PVT1: variants seen among roughly 807,000 people sequenced by gnomAD.
The protein encoded by PVT1 is Pvt1 oncogene.
intron 4 of PVT1, among the ~76,000 whole-genome samples, chr8:128,035,158 G>A (rs944298209): frequency 2.6e-5 from 4 of 152,158 alleles, no homozygotes; most frequent in Admixed American, 1.3e-4. Flanking sequence ...CTTCACCAGG[G>A]CACAGCAGTA....
intron 4 of PVT1, among the ~76,000 whole-genome samples, chr8:128,049,889 G>T (rs561609871): frequency 1.3e-5 from 2 of 152,216 alleles, no homozygotes; most frequent in African/African-American, 4.8e-5. Flanking sequence ...TGATCTCTTT[G>T]CCTCTCATTT....
chr8:127,999,661 C>A (rs1429078470), intron 4 of PVT1, among the ~76,000 whole-genome samples: 1 of 152,170 alleles, frequency 6.6e-6, no homozygotes, highest in African/African-American at 2.4e-5. Context: ...GGGGTTTCAC[C>A]ATGTTGGCCA....
At chr8:127,910,359 T>C (rs1156558298) in intron 3 of PVT1, among the ~76,000 whole-genome samples, 1 of 152,236 alleles carries the variant, frequency 6.6e-6, no homozygotes, top group Non-Finnish European at 1.5e-5. Flanking sequence ...TCTGACTCTA[T>C]TGCCTTGGCT....
chr8:127,950,338 C>A (rs1389761791), intron 3 of PVT1, among the ~76,000 whole-genome samples: 2 of 152,208 alleles, frequency 1.3e-5, no homozygotes, highest in East Asian at 3.8e-4. Flanking sequence ...CTGGGTGTTT[C>A]TGGGTGTCCC....
chr8:127,878,205 TG>T (rs2129781512), intron 2 of PVT1, among the ~76,000 whole-genome samples: 1 of 152,260 alleles, frequency 6.6e-6, no homozygotes, highest in South Asian at 2.1e-4. Flanking sequence ...CCACAAATTT[TG>T]AAGGTCTGTC....
intron 3 of PVT1, among the ~76,000 whole-genome samples, chr8:127,951,371 C>T (rs961998196): frequency 6.6e-5 from 10 of 152,212 alleles, no homozygotes; most frequent in African/African-American, 2.4e-4. Flanking sequence ...TACCCGTGCA[C>T]TAGCAGAGAG....
chr8:127,938,183 C>G (rs541067876), intron 3 of PVT1, among the ~76,000 whole-genome samples: 1 of 152,204 alleles, frequency 6.6e-6, no homozygotes, highest in Admixed American at 6.5e-5. Flanking sequence ...ATTCCAGAAA[C>G]AGCGCCAGCC....
chr8:128,029,581 C>T (rs1351362765), intron 4 of PVT1, among the ~76,000 whole-genome samples: 4 of 152,112 alleles, frequency 2.6e-5, no homozygotes, highest in Admixed American at 6.5e-5. Flanking sequence ...GCAGGTGGAT[C>T]ATGAGGTTAG....
At chr8:128,031,718 A>G (rs984858185) in intron 4 of PVT1, among the ~76,000 whole-genome samples, 4 of 150,472 alleles carry the variant, frequency 2.7e-5, no homozygotes, top group South Asian at 4.1e-4. Context: ...ACTGATTTTT[A>G]TATTAATTCA....
chr8:127,923,415 G>A (rs190362476), intron 3 of PVT1, among the ~76,000 whole-genome samples: 1 of 152,354 alleles, frequency 6.6e-6, no homozygotes, highest in East Asian at 1.9e-4. Context: ...TTGATGAAGC[G>A]TTCAGGTTGG....
intron 3 of PVT1, among the ~76,000 whole-genome samples, chr8:127,897,144 C>G (rs1815689261): frequency 6.6e-6 from 1 of 152,212 alleles, no homozygotes; most frequent in Admixed American, 6.5e-5. Context: ...TCCACTCTTT[C>G]CCCAACCCCG....
chr8:128,010,877 C>T (rs1437739067), intron 4 of PVT1, among the ~76,000 whole-genome samples: 1 of 152,144 alleles, frequency 6.6e-6, no homozygotes, highest in Non-Finnish European at 1.5e-5. Flanking sequence ...ATTTGCCTGC[C>T]GTGTTTATTG....
chr8:127,937,574 C>CAGAGAG (rs1403061270), intron 3 of PVT1, among the ~76,000 whole-genome samples: 124 of 96,250 alleles, frequency 1.3e-3, no homozygotes, highest in African/African-American at 3.2e-3. Flanking sequence ...CACACACACA[C>CAGAGAG]ACACACAGAG....
chr8:127,836,165 A>G (rs894444303), intron 2 of PVT1, among the ~76,000 whole-genome samples: 4 of 152,158 alleles, frequency 2.6e-5, no homozygotes, highest in Non-Finnish European at 5.9e-5. Context: ...TCTGTAAAAA[A>G]AATTTATTAA....
chr8:127,806,456 T>TAGCTGGGA (rs1814530535), intron 2 of PVT1, among the ~76,000 whole-genome samples: 1 of 151,802 alleles, frequency 6.6e-6, no homozygotes, highest in African/African-American at 2.4e-5. Flanking sequence ...AACGACTCCG[T>TAGCTGGGA]CTAAAAAATT....
intron 3 of PVT1, among the ~76,000 whole-genome samples, chr8:127,925,900 C>A (rs1311850584): frequency 6.6e-6 from 1 of 152,200 alleles, no homozygotes; most frequent in East Asian, 1.9e-4. Flanking sequence ...CTCGGGCTCC[C>A]AAAGTGCTGG....
chr8:127,828,736 C>T (rs950561265), intron 2 of PVT1, among the ~76,000 whole-genome samples: 1 of 151,920 alleles, frequency 6.6e-6, no homozygotes, highest in Non-Finnish European at 1.5e-5. Context: ...GCAGGTCCGC[C>T]CCCCCAGACT....
intron 3 of PVT1, among the ~76,000 whole-genome samples, chr8:127,953,232 G>C (rs546599958): frequency 1.3e-5 from 2 of 152,122 alleles, no homozygotes; most frequent in African/African-American, 2.4e-5. Context: ...CTTTTGAATT[G>C]TCCTGGAGTA....
At chr8:128,084,816 C>T (rs538950556) in intron 5 of PVT1, among the ~76,000 whole-genome samples, 12 of 152,176 alleles carry the variant, frequency 7.9e-5, no homozygotes, top group Non-Finnish European at 1.8e-4. Context: ...AAAGTGAATA[C>T]ATGAAAGTGA....
Sources: allele counts gnomAD v4.1 joint callset (sites outside exome capture counted in the v4.1 genomes callset), GRCh38; gene constraint gnomAD v4.1.1; transcripts MANE v1.5; gene names NCBI Gene and HGNC (gene_info 2026-07-23, HGNC 2026-07-21).